NRG3: variants seen among roughly 807,000 people sequenced by gnomAD.
NRG3 encodes neuregulin 3.
NRG3 carries 31 observed loss-of-function variants against 66.9 expected under a neutral mutation model. The observed-to-expected ratio is 0.46, with a 90% CI of 0.35 to 0.63. The LOEUF is 0.63. Among genes scored for constraint, NRG3 ranks in the 20% least tolerant of loss-of-function variants. The pLI is 0.00. For missense variants in NRG3, 910 were observed against 878.9 expected, an observed-to-expected ratio of 1.04 and a Z score of -0.45; for synonymous variants, 393 against 359.4, an observed-to-expected ratio of 1.09 and a Z score of -1.06.
At position 82,555,028 on chromosome 10, in the gene NRG3, A is replaced by G. The variant is rs893354832; in HGVS notation, c.954-183549A>G. The stretch of plus-strand genomic sequence containing the variant: ...CTCCCTCACTGTGTTCTAGTCCCCT[A>G]AAAACTCAAATGACTTTACTCTGAA... On this transcript the variant is annotated intron_variant, in intron 2 of 8. Coordinates refer to ENST00000372141, the MANE Select transcript of NRG3 (RefSeq NM_001010848.4). Among the ~76,000 whole-genome samples, 5 of 152,268 alleles carry G rather than the reference A, an allele frequency of 3.3e-5. No homozygotes were observed. In the East Asian group the frequency reaches 9.7e-4, roughly 29 times the overall value.
intron 2 of NRG3, among the ~76,000 whole-genome samples, chr10:82,564,541 A>G (rs2045265316): frequency 1.3e-5 from 2 of 152,128 alleles, no homozygotes. Flanking sequence ...TGTGGTTGGG[A>G]TAAAGTTAAT....
intron 4 of NRG3, 115 bp downstream of exon 4, chr10:82,865,552 T>C (rs1840632625): frequency 9.6e-7 from 1 of 1,041,070 alleles, no homozygotes. Flanking sequence ...TCAGATGCTA[T>C]TAGTAGGAAA....
At chr10:82,274,438 C>CT (rs11440107) in intron 1 of NRG3, among the ~76,000 whole-genome samples, 72,384 of 151,696 alleles carry the variant, frequency 0.48, 20,811 homozygotes, top group African/African-American at 0.81. Flanking sequence ...TTTATTGCTG[C>CT]TTTCTTCTTA....
chr10:82,714,367 T>C (rs549540109), intron 2 of NRG3, among the ~76,000 whole-genome samples: 71 of 152,182 alleles, frequency 4.7e-4, no homozygotes, highest in Non-Finnish European at 7.6e-4. Context: ...GTAAGATGCC[T>C]GCTGTGAGCA....
chr10:82,899,431 G>A (rs1346628486), intron 4 of NRG3, among the ~76,000 whole-genome samples: 2 of 152,164 alleles, frequency 1.3e-5, no homozygotes, highest in East Asian at 3.9e-4. Flanking sequence ...TCTGACCAGG[G>A]AGAAAGGACT....
intron 4 of NRG3, among the ~76,000 whole-genome samples, chr10:82,884,826 T>TG (rs1364591193): frequency 6.6e-6 from 1 of 152,230 alleles, no homozygotes; most frequent in Non-Finnish European, 1.5e-5. Flanking sequence ...GTTCTTGCTG[T>TG]TGCCACTGGT....
At chr10:82,766,652 G>T (rs544030760) in intron 3 of NRG3, among the ~76,000 whole-genome samples, 1 of 152,132 alleles carries the variant, frequency 6.6e-6, no homozygotes, top group African/African-American at 2.4e-5. Flanking sequence ...TCAGCTATTA[G>T]AAAACTGTTT....
intron 3 of NRG3, among the ~76,000 whole-genome samples, chr10:82,853,965 A>G (rs2063687042): frequency 6.6e-6 from 1 of 152,104 alleles, no homozygotes; most frequent in African/African-American, 2.4e-5. Context: ...ACTTCGAGGT[A>G]TGTCTCTTCT....
chr10:82,800,286 C>T (rs1303225931), intron 3 of NRG3, among the ~76,000 whole-genome samples: 1 of 152,184 alleles, frequency 6.6e-6, no homozygotes, highest in East Asian at 1.9e-4. Flanking sequence ...TGAGAGACAT[C>T]TTACATTTGG....
intron 4 of NRG3, among the ~76,000 whole-genome samples, chr10:82,872,727 G>A (rs1400516201): frequency 1.4e-5 from 2 of 145,182 alleles, no homozygotes; most frequent in African/African-American, 2.5e-5. Flanking sequence ...GGCAAGATAC[G>A]ATATGAAAAA....
At chr10:82,272,973 C>G (rs1332725519) in intron 1 of NRG3, among the ~76,000 whole-genome samples, 5 of 152,076 alleles carry the variant, frequency 3.3e-5, no homozygotes, top group Non-Finnish European at 5.9e-5. Flanking sequence ...CATGTATCAT[C>G]TGGTTGAATA....
intron 3 of NRG3, among the ~76,000 whole-genome samples, chr10:82,749,790 A>G (rs932159919): frequency 4.5e-5 from 5 of 110,370 alleles, no homozygotes; most frequent in African/African-American, 2.4e-4. Flanking sequence ...GGAAGCACTG[A>G]AAAAAAAAAA....
chr10:82,680,063 C>T (rs1238080125), intron 2 of NRG3, among the ~76,000 whole-genome samples: 1 of 152,114 alleles, frequency 6.6e-6, no homozygotes, highest in East Asian at 1.9e-4. Context: ...TAGCTAGTTA[C>T]ACCAAAACTA....
At chr10:82,094,602 A>T (rs1031646416) in intron 1 of NRG3, among the ~76,000 whole-genome samples, 3 of 152,202 alleles carry the variant, frequency 2.0e-5, no homozygotes, top group Non-Finnish European at 4.4e-5. Context: ...CCATCAATGG[A>T]TGGTTGGATA....
At chr10:82,607,446 A>C (rs1159640726) in intron 2 of NRG3, among the ~76,000 whole-genome samples, 1 of 150,388 alleles carries the variant, frequency 6.6e-6, no homozygotes, top group Non-Finnish European at 1.5e-5. Context: ...ATTTTTCTCC[A>C]TTCTTTTACT....
chr10:82,743,745 C>A (rs1487123621), intron 3 of NRG3, among the ~76,000 whole-genome samples: 2 of 151,990 alleles, frequency 1.3e-5, no homozygotes, highest in Non-Finnish European at 2.9e-5. Flanking sequence ...CTGGGAATGC[C>A]AATGTAGGGC....
At chr10:82,469,069 A>T (rs1471664882) in intron 2 of NRG3, among the ~76,000 whole-genome samples, 1 of 152,210 alleles carries the variant, frequency 6.6e-6, no homozygotes, top group Non-Finnish European at 1.5e-5. Flanking sequence ...AGCTCATCAC[A>T]TGCATTCCTA....
intron 6 of NRG3, among the ~76,000 whole-genome samples, chr10:82,962,222 T>G (rs1426797480): frequency 6.6e-6 from 1 of 152,172 alleles, no homozygotes. Flanking sequence ...TGAGTAAAGA[T>G]GAACTCACCT....
At chr10:82,081,306 C>T (rs1055319681) in intron 1 of NRG3, among the ~76,000 whole-genome samples, 4 of 152,076 alleles carry the variant, frequency 2.6e-5, no homozygotes, top group Non-Finnish European at 5.9e-5. Flanking sequence ...GACAAGAACA[C>T]AAAGATAGCT....
Sources: gnomAD v4.1 joint callset for allele counts (sites outside exome capture counted in the v4.1 genomes callset) on GRCh38, gnomAD v4.1.1 for gene constraint, MANE v1.5 for transcripts, NCBI Gene and HGNC (gene_info 2026-07-23, HGNC 2026-07-21) for gene names.